The following DNAH8 variants were observed in gnomAD, a reference collection of about 807,000 sequenced individuals.
The protein encoded by DNAH8 is axonemal beta dynein heavy chain 8.
DNAH8 carries 382 observed loss-of-function variants against 562.1 expected under a neutral mutation model. The ratio of observed to expected loss-of-function variants is 0.68; its 90% CI spans 0.63 to 0.74. The LOEUF is 0.74. Ranked by LOEUF, DNAH8 falls within the 30% of genes least tolerant of loss-of-function variation. The pLI, the probability that DNAH8 is intolerant of heterozygous loss-of-function variation, is 0.00. For missense variants in DNAH8, 5,203 were observed against 5,620.4 expected, an observed-to-expected ratio of 0.93 and a Z score of 2.37; for synonymous variants, 1,881 against 1,919.4, an observed-to-expected ratio of 0.98 and a Z score of 0.52.
At chr6:38,946,659 T>C (rs1349431858) in intron 80 of DNAH8, among the ~76,000 whole-genome samples, 1 of 151,906 alleles carries the variant, frequency 6.6e-6, no homozygotes, top group Non-Finnish European at 1.5e-5. Flanking sequence ...AAATACAAAA[T>C]ATTAGCTGGG....
At position 38,883,945 on chromosome 6, in the gene DNAH8, A is replaced by G; in HGVS notation, c.8206A>G (p.Thr2736Ala). 3.8e-6 allele frequency: 6 copies of G among 1,590,366 alleles called. No individual in the cohort carries two copies. Among genetic ancestry groups the G allele is most frequent in the Non-Finnish European group, 5.1e-6 (6 of 1,166,858 alleles). Reference sequence around the variant, plus strand: ...TGGGCCACCAGGAGGGAGAAAAATGACTGTATTTATTGATGATATTAATAT... The same window carrying G: ...TGGGCCACCAGGAGGGAGAAAAATGGCTGTATTTATTGATGATATTAATAT... ...TYGPPGGRKM[T>A]VFIDDINMPV... The change falls in exon 56 of 93, where the codon ACT becomes GCT. Residue 2736 changes from threonine to alanine, a missense_variant. Physicochemically the swap from Thr to Ala is moderately conservative, Grantham distance 58. This residue lies in a region of DNAH8 where 977 missense variants were observed against 1,061.8 expected (regional missense o/e 0.92). Coordinates refer to ENST00000327475, the MANE Select transcript of DNAH8 (RefSeq NM_001206927.2).
intron 52 of DNAH8, 148 bp from the exon 53 acceptor site, chr6:38,875,443 G>A (rs919138601): frequency 1.7e-5 from 9 of 527,218 alleles, no homozygotes; most frequent in Non-Finnish European, 2.6e-5. Context: ...TCTACGTGCT[G>A]TTGGCTGTAG....
intron 85 of DNAH8, among the ~76,000 whole-genome samples, chr6:38,976,118 T>C (rs1271908331): frequency 4.6e-5 from 7 of 152,188 alleles, no homozygotes; most frequent in African/African-American, 1.7e-4. Flanking sequence ...GAATATCTCT[T>C]AAAATCAAAT....
chr6:38,792,885 C>T (rs1412266861), intron 21 of DNAH8, among the ~76,000 whole-genome samples: 1 of 151,850 alleles, frequency 6.6e-6, no homozygotes, highest in Non-Finnish European at 1.5e-5. Flanking sequence ...CTCAAGTGAT[C>T]TTCCCATTTC....
Position 38,929,638 on chromosome 6 carries a change from A to T in DNAH8, c.11246A>T (p.Asn3749Ile). The change falls in exon 75 of 93, where the codon AAT becomes ATT. Residue 3749 changes from asparagine to isoleucine, a missense_variant. By Grantham distance (149) the Asn-to-Ile change is moderately radical (BLOSUM62 -3). Coordinates refer to ENST00000327475, the MANE Select transcript of DNAH8 (RefSeq NM_001206927.2). ...GCCTTGGATAATGTATTAGAAAAGAATTTTATTAAATCTGGCACCACTTTC... is the reference window on the plus strand; with the variant it reads ...GCCTTGGATAATGTATTAGAAAAGATTTTTATTAAATCTGGCACCACTTTC... ...DPALDNVLEK[N>I]FIKSGTTFKV... 6.3e-7 allele frequency: 1 copy of T among 1,586,148 alleles called. No individual in the cohort carries two copies. Among genetic ancestry groups the T allele is most frequent in the Admixed American group, 1.7e-5 (1 of 57,614 alleles).
chr6:38,739,008 T>C (rs1764325136), intron 7 of DNAH8, among the ~76,000 whole-genome samples: 1 of 152,208 alleles, frequency 6.6e-6, no homozygotes, highest in Non-Finnish European at 1.5e-5. Flanking sequence ...ACTATTGAGG[T>C]TGAGCATATT....
intron 14 of DNAH8, among the ~76,000 whole-genome samples, chr6:38,779,029 A>T (rs1768325377): frequency 6.6e-6 from 1 of 152,176 alleles, no homozygotes; most frequent in African/African-American, 2.4e-5. Flanking sequence ...AACAGCTGAA[A>T]TCTTCTCTCC....
chr6:38,980,110 C>T (rs1230116758), intron 85 of DNAH8, among the ~76,000 whole-genome samples: 3 of 152,118 alleles, frequency 2.0e-5, no homozygotes, highest in African/African-American at 7.2e-5. Context: ...TTCAGAAATT[C>T]CAAACACTGG....
intron 79 of DNAH8, among the ~76,000 whole-genome samples, chr6:38,942,089 C>T (rs951576168): frequency 3.9e-5 from 6 of 152,116 alleles, no homozygotes; most frequent in South Asian, 4.2e-4. Flanking sequence ...CCTCACCAGA[C>T]GTTGAATTCA....
At chr6:38,973,869 G>T in intron 84 of DNAH8, 56 bp downstream of exon 84, 4 of 1,434,702 alleles carry the variant, frequency 2.8e-6, no homozygotes, top group Non-Finnish European at 3.8e-6. Flanking sequence ...TGACATCATT[G>T]ACATTGTTGA....
intron 56 of DNAH8, among the ~76,000 whole-genome samples, chr6:38,884,545 C>T (rs1245037086): frequency 2.6e-5 from 4 of 152,120 alleles, no homozygotes; most frequent in Admixed American, 6.6e-5. Context: ...CCGCCCACCT[C>T]GGCCTCCCAA....
intron 62 of DNAH8, among the ~76,000 whole-genome samples, chr6:38,904,600 G>A (rs1027882455): frequency 4.6e-5 from 7 of 152,070 alleles, no homozygotes; most frequent in Non-Finnish European, 7.4e-5. Context: ...AGACTGGCTG[G>A]CCAACATGGT....
rs1781911866 is a variant in DNAH8, at chr6:38,923,892, G to C, written c.10791-99G>C. The C allele has an allele frequency of 2.3e-6, 3 of 1,319,776 alleles. No individual in the cohort carries two copies. The East Asian group carries it at 6.9e-5, about 31-fold the overall frequency. The allele number at this position is 1,319,776 out of a possible 1,614,324, so 81.8% of individuals were successfully genotyped here. A position where few individuals can be genotyped will look rare whatever the true frequency, so the allele number is the denominator to read the frequency against. ...CTACCAAGCATTAAGCAGGGGCAAAGAAGGATTTCACCCAGTAACAGAGCA... is the reference window on the plus strand; with the variant it reads ...CTACCAAGCATTAAGCAGGGGCAAACAAGGATTTCACCCAGTAACAGAGCA... On this transcript the variant is annotated intron_variant, in intron 72 of 92. Coordinates refer to ENST00000327475, the MANE Select transcript of DNAH8 (RefSeq NM_001206927.2).
Position 38,918,142 on chromosome 6 carries a change from TAA to T in DNAH8, c.10524+5_10524+6del. The T allele has an allele frequency of 6.3e-7, 1 of 1,594,520 alleles. No homozygotes were observed. The highest frequency in any genetic ancestry group is 8.6e-7 in the Non-Finnish European group (1 of 1,167,316). On this transcript the variant is annotated splice_donor_region_variant and intron_variant, in intron 70 of 92. Transcript: ENST00000327475. The stretch of plus-strand genomic sequence containing the variant: ...AATAGAGAAGTGTTGCCTCTGAAGG[TAA>T]AAGTTTCCTTCCTTCTCCCAGTAAA...
At chr6:38,773,496 C>A (rs542544055) in intron 12 of DNAH8, among the ~76,000 whole-genome samples, 3 of 152,208 alleles carry the variant, frequency 2.0e-5, no homozygotes, top group Admixed American at 6.5e-5. Flanking sequence ...AGAAGCCCTG[C>A]CTCTAGTTTG....
intron 42 of DNAH8, 48 bp from the exon 43 acceptor site, chr6:38,860,409 T>C: frequency 8.9e-7 from 1 of 1,121,334 alleles, no homozygotes; most frequent in Non-Finnish European, 1.2e-6. Context: ...TTATGTTTTA[T>C]GCTATTGCAA....
intron 83 of DNAH8, among the ~76,000 whole-genome samples, chr6:38,972,543 A>C (rs1443310627): frequency 1.3e-5 from 2 of 152,036 alleles, no homozygotes; most frequent in Non-Finnish European, 2.9e-5. Flanking sequence ...GTGATTTGAC[A>C]GTTTAACTTT....
chr6:38,795,689 G>GT (rs764655891), intron 21 of DNAH8, among the ~76,000 whole-genome samples: 2 of 152,140 alleles, frequency 1.3e-5, no homozygotes, highest in Non-Finnish European at 2.9e-5. Flanking sequence ...CTAAGATCTA[G>GT]TAACAGTTGG....
At position 38,881,334 on chromosome 6, in the gene DNAH8, A is replaced by G. The variant is rs911597601; in HGVS notation, c.7859-1576A>G. ...CTTTCTTTCCATGCATTCTGTGTAC[A>G]CAGTAACTTTTGGGTATAATTCTGA... On this transcript the variant is annotated intron_variant, in intron 53 of 92. Coordinates refer to ENST00000327475, the MANE Select transcript of DNAH8 (RefSeq NM_001206927.2). Among the ~76,000 whole-genome samples, 6 of 152,316 alleles carry G rather than the reference A, an allele frequency of 3.9e-5. No homozygotes were observed. The South Asian group carries it at 1.2e-3, about 32-fold the overall frequency.
Sources: gnomAD v4.1 joint callset for allele counts (sites outside exome capture counted in the v4.1 genomes callset) on GRCh38, gnomAD v4.1.1 for gene constraint, gnomAD v4.1.1 regional missense constraint, MANE v1.5 for transcripts, NCBI Gene and HGNC (gene_info 2026-07-23, HGNC 2026-07-21) for gene names.